CFDP1: variants seen among roughly 807,000 people sequenced by gnomAD.
The protein encoded by CFDP1 is chromatin remodeling protein CFDP1, also known as heterochromatin-stabilizing protein CFDP1.
A neutral mutation model predicts 40.1 loss-of-function variants in CFDP1; 31 were observed. The ratio of observed to expected loss-of-function variants is 0.77; its 90% confidence interval spans 0.58 to 1.04. The LOEUF (loss-of-function observed/expected upper bound fraction) is 1.04, where lower values mean the gene tolerates loss of function less well. Ranked by LOEUF, CFDP1 falls within the 50% of genes least tolerant of loss-of-function variation. The pLI, the probability that CFDP1 is intolerant of heterozygous loss-of-function variation, is 0.00. For synonymous variants in CFDP1, 167 were observed against 120.0 expected (o/e 1.39, Z -2.56); for missense variants, 423 against 343.4 (o/e 1.23, Z -1.83).
At chr16:75,371,005 G>C (rs2078747440) in intron 5 of CFDP1, among the ~76,000 whole-genome samples, 1 of 152,258 alleles carries the variant, frequency 6.6e-6, no homozygotes, top group Non-Finnish European at 1.5e-5. Flanking sequence ...TGCCCTATAT[G>C]AGCATATACT....
intron 5 of CFDP1, among the ~76,000 whole-genome samples, chr16:75,316,868 C>T (rs573785841): frequency 3.3e-5 from 5 of 152,224 alleles, no homozygotes; most frequent in East Asian, 3.9e-4. Flanking sequence ...ACTCGGGAGG[C>T]TACTCCTACT....
chr16:75,307,172 G>C (rs1407306381), intron 5 of CFDP1, among the ~76,000 whole-genome samples: 1 of 152,002 alleles, frequency 6.6e-6, no homozygotes, highest in Admixed American at 6.6e-5. Flanking sequence ...AGCTTAGCAT[G>C]TCTTTCTGCT....
intron 5 of CFDP1, chr16:75,391,514 C>T (rs148966482): frequency 2.0e-5 from 3 of 152,296 alleles, no homozygotes; most frequent in African/African-American, 7.2e-5. Context: ...CACATCTATA[C>T]ACAATAATGT....
chr16:75,304,900 C>T, intron 6 of CFDP1, 124 bp downstream of exon 6: 1 of 1,036,250 alleles, frequency 9.7e-7, no homozygotes, highest in Non-Finnish European at 1.4e-6. Context: ...AACCAAAGTG[C>T]TCACATTTTT....
chr16:75,409,726 G>A (rs1441574833), intron 4 of CFDP1, among the ~76,000 whole-genome samples: 1 of 152,036 alleles, frequency 6.6e-6, no homozygotes. Context: ...TTCTCAAATG[G>A]TTCAGCCAAA....
intron 6 of CFDP1, 32 bp from the exon 7 acceptor site, chr16:75,294,074 A>C: frequency 3.2e-6 from 5 of 1,558,940 alleles, no homozygotes; most frequent in Non-Finnish European, 4.4e-6. Context: ...TGTCAGTAGA[A>C]TCCAGTAGGA....
chr16:75,339,376 T>G lies in CFDP1; in HGVS notation c.651-34194A>C, dbSNP rs117674809. Among the ~76,000 whole-genome samples, 987 of 152,294 alleles carry G rather than the reference T, an allele frequency of 6.5e-3. 8 individuals carry two copies. The highest frequency in any genetic ancestry group is 0.017 in the Middle Eastern group (5 of 294). ...TTTTTCTTATTTCATGAGTGCAGCA[T>G]TCTCTTTTTATCTCTTTCAGGGATA... On this transcript the variant is annotated intron_variant, in intron 5 of 6. Coordinates refer to ENST00000283882, the MANE Select transcript of CFDP1 (RefSeq NM_006324.3).
chr16:75,356,386 A>G (rs376818997), intron 5 of CFDP1, among the ~76,000 whole-genome samples: 2 of 152,210 alleles, frequency 1.3e-5, no homozygotes, highest in Non-Finnish European at 2.9e-5. Context: ...GACTGGGTAC[A>G]CTGTCAATGA....
chr16:75,425,805 G>T (rs1044755960), intron 1 of CFDP1, among the ~76,000 whole-genome samples: 1 of 151,984 alleles, frequency 6.6e-6, no homozygotes, highest in East Asian at 1.9e-4. Context: ...AGGCCGGGGT[G>T]GGCGGATTAC....
At chr16:75,323,610 A>C (rs1047452446) in intron 5 of CFDP1, among the ~76,000 whole-genome samples, 5 of 152,054 alleles carry the variant, frequency 3.3e-5, no homozygotes, top group African/African-American at 1.2e-4. Context: ...GTGAAACCCG[A>C]TCTCTACTGA....
At chr16:75,415,185 A>T (rs1055045854) in intron 1 of CFDP1, among the ~76,000 whole-genome samples, 1 of 152,226 alleles carries the variant, frequency 6.6e-6, no homozygotes, top group Non-Finnish European at 1.5e-5. Context: ...AAAGACTTCC[A>T]GTTAAACATA....
intron 5 of CFDP1, among the ~76,000 whole-genome samples, chr16:75,359,358 C>T (rs903344115): frequency 6.6e-6 from 1 of 152,136 alleles, no homozygotes; most frequent in East Asian, 1.9e-4. Flanking sequence ...TCTTTTCCAA[C>T]AGGAAAAGAA....
At chr16:75,366,820 T>C (rs943779920) in intron 5 of CFDP1, among the ~76,000 whole-genome samples, 1 of 151,872 alleles carries the variant, frequency 6.6e-6, no homozygotes, top group Non-Finnish European at 1.5e-5. Context: ...TTTTGGGTGA[T>C]GGAAGTGTTC....
At chr16:75,409,065 T>C (rs1446688909) in intron 4 of CFDP1, among the ~76,000 whole-genome samples, 1 of 151,814 alleles carries the variant, frequency 6.6e-6, no homozygotes, top group African/African-American at 2.4e-5. Flanking sequence ...CATCATGTTG[T>C]TCAGGCTGGT....
intron 5 of CFDP1, among the ~76,000 whole-genome samples, chr16:75,313,125 A>C (rs1305749664): frequency 1.3e-5 from 2 of 152,178 alleles, no homozygotes; most frequent in African/African-American, 4.8e-5. Context: ...ACAAAGAGTA[A>C]CGTGTTGTTT....
At chr16:75,296,810 A>G (rs1323877566) in intron 6 of CFDP1, among the ~76,000 whole-genome samples, 2 of 152,180 alleles carry the variant, frequency 1.3e-5, no homozygotes, top group Non-Finnish European at 2.9e-5. Flanking sequence ...CTATTCCCCA[A>G]TTCACAGCCA....
intron 5 of CFDP1, among the ~76,000 whole-genome samples, chr16:75,320,467 T>C (rs981022934): frequency 6.6e-6 from 1 of 151,754 alleles, no homozygotes; most frequent in Admixed American, 6.6e-5. Context: ...AAAAATCAAG[T>C]GCAATCAACT....
chr16:75,425,138 A>G (rs904087246), intron 1 of CFDP1, among the ~76,000 whole-genome samples: 17 of 152,206 alleles, frequency 1.1e-4, no homozygotes, highest in African/African-American at 3.9e-4. Context: ...TAAATTGTCA[A>G]TTCTTCCCAA....
chr16:75,348,166 C>T (rs997622991), intron 5 of CFDP1, among the ~76,000 whole-genome samples: 1 of 152,180 alleles, frequency 6.6e-6, no homozygotes, highest in African/African-American at 2.4e-5. Context: ...GTTGCCCAGG[C>T]TGGAGTACAG....
Sources: gnomAD v4.1 joint callset for allele counts (sites outside exome capture counted in the v4.1 genomes callset) on GRCh38, gnomAD v4.1.1 for gene constraint, MANE v1.5 for transcripts, NCBI Gene and HGNC (gene_info 2026-07-23, HGNC 2026-07-21) for gene names.